Variants in SLCO3A1 observed in about 807,000 individuals in gnomAD.
SLCO3A1 encodes the protein PGE1 transporter.
A neutral mutation model predicts 63.1 loss-of-function variants in SLCO3A1; 27 were observed. The observed-to-expected ratio is 0.43, with a 90% CI of 0.32 to 0.59. The LOEUF is 0.59. Among genes scored for constraint, SLCO3A1 ranks in the 20% least tolerant of loss-of-function variants. The pLI is 0.09. For missense variants in SLCO3A1, 773 were observed against 945.8 expected (o/e 0.82, Z 2.40); for synonymous variants, 473 against 409.9 (o/e 1.15, Z -1.86).
intron 2 of SLCO3A1, among the ~76,000 whole-genome samples, chr15:92,094,384 G>A (rs995943354): frequency 6.6e-5 from 10 of 152,116 alleles, no homozygotes; most frequent in Non-Finnish European, 1.5e-4. Flanking sequence ...GCTGAATTTC[G>A]GAGTCTTGAA....
intron 3 of SLCO3A1, 139 bp downstream of exon 3, chr15:92,095,118 C>A (rs980049331): frequency 1.7e-6 from 1 of 589,768 alleles, no homozygotes; most frequent in Non-Finnish European, 3.1e-6. Context: ...GGGGCTCACC[C>A]GAGATTAGAT....
intron 2 of SLCO3A1, among the ~76,000 whole-genome samples, chr15:92,052,247 G>A (rs1392518406): frequency 6.6e-6 from 1 of 152,032 alleles, no homozygotes; most frequent in Non-Finnish European, 1.5e-5. Context: ...CTTGAGATGG[G>A]GTCAGCATTG....
At chr15:92,004,534 AGAT>A (rs889581869) in intron 2 of SLCO3A1, among the ~76,000 whole-genome samples, 1 of 152,202 alleles carries the variant, frequency 6.6e-6, no homozygotes, top group Non-Finnish European at 1.5e-5. Context: ...AGTGTTGAAG[AGAT>A]GATGAATTAT....
intron 2 of SLCO3A1, among the ~76,000 whole-genome samples, chr15:92,003,365 C>T (rs149223853): frequency 1.2e-4 from 18 of 152,308 alleles, no homozygotes; most frequent in East Asian, 1.2e-3. Context: ...ACAAATGTCT[C>T]GGCTTCAGAG....
intron 5 of SLCO3A1, among the ~76,000 whole-genome samples, chr15:92,121,360 G>A (rs950147569): frequency 1.3e-5 from 2 of 152,230 alleles, no homozygotes; most frequent in African/African-American, 4.8e-5. Flanking sequence ...GGACACAACA[G>A]CAACAGACAT....
rs1159103975 is a variant in SLCO3A1, at chr15:92,137,883, C to G, written c.1513-9101C>G. 1.7e-5 allele frequency among the ~76,000 whole-genome samples: 2 copies of G among 116,674 alleles called. 1 individual carries two copies. Among genetic ancestry groups the G allele is most frequent in the African/African-American group, 8.7e-5 (2 of 22,910 alleles). The allele number at this position is 116,674 out of a possible 152,430, so 76.5% of individuals were successfully genotyped here. A position where few individuals can be genotyped will look rare whatever the true frequency, so the allele number is the denominator to read the frequency against. On this transcript the variant is annotated intron_variant, in intron 7 of 9. Coordinates refer to ENST00000318445, the MANE Select transcript of SLCO3A1 (RefSeq NM_013272.4). ...TAGATTCTGGATATTAGCCCTTTGT[C>G]AGATGAGTAGGTTGCGAAAATTTTC...
intron 1 of SLCO3A1, among the ~76,000 whole-genome samples, chr15:91,878,085 C>CTTT (rs757889262): frequency 3.3e-4 from 40 of 119,830 alleles, no homozygotes; most frequent in African/African-American, 4.2e-4. Flanking sequence ...GGATTTAGGC[C>CTTT]TTTTTTTTTT....
chr15:91,971,440 A>C (rs1017208285), intron 2 of SLCO3A1, among the ~76,000 whole-genome samples: 1 of 147,148 alleles, frequency 6.8e-6, no homozygotes, highest in African/African-American at 2.5e-5. Flanking sequence ...TTCAGCTCTC[A>C]TGCTGTAAAC....
chr15:91,873,159 T>C (rs545054582), intron 1 of SLCO3A1, among the ~76,000 whole-genome samples: 2 of 152,364 alleles, frequency 1.3e-5, no homozygotes, highest in African/African-American at 4.8e-5. Flanking sequence ...AGTGCAAAAT[T>C]ACATTTACCT....
intron 2 of SLCO3A1, among the ~76,000 whole-genome samples, chr15:91,996,919 C>G (rs964598517): frequency 6.6e-6 from 1 of 152,150 alleles, no homozygotes; most frequent in African/African-American, 2.4e-5. Context: ...AAGGGAAACT[C>G]TTAATGTAAT....
Position 91,854,126 on chromosome 15 carries a change from C to T in SLCO3A1, c.180+38C>T. On this transcript the variant is annotated intron_variant, in intron 1 of 9. Coordinates refer to ENST00000318445, the MANE Select transcript of SLCO3A1 (RefSeq NM_013272.4). This position sits in a 1 kb window ranked among gnomAD's most constrained non-coding sequence, Gnocchi z 6.4. ...GCCAACTCCGCCGCGGGCCCCTTCC[C>T]CAGCCCGGCTCTCGAGCGGCCGCCT... 7.1e-7 allele frequency: 1 copy of T among 1,407,904 alleles called. No homozygotes were observed. The highest frequency in any genetic ancestry group is 9.3e-7 in the Non-Finnish European group (1 of 1,070,692). 87.2% of individuals were successfully genotyped at this position (1,407,904 alleles called of 1,614,324 possible).
At chr15:92,006,745 G>A (rs982195289) in intron 2 of SLCO3A1, among the ~76,000 whole-genome samples, 16 of 152,318 alleles carry the variant, frequency 1.1e-4, no homozygotes, top group African/African-American at 2.9e-4. Flanking sequence ...CATAGTGAGC[G>A]TAATAAACAG....
chr15:92,009,975 G>C (rs1378695292), intron 2 of SLCO3A1, among the ~76,000 whole-genome samples: 1 of 152,152 alleles, frequency 6.6e-6, no homozygotes, highest in East Asian at 1.9e-4. Context: ...GTGCCATGTG[G>C]GCTGGACTCC....
intron 2 of SLCO3A1, among the ~76,000 whole-genome samples, chr15:92,086,121 C>A (rs538314831): frequency 4.6e-4 from 70 of 152,280 alleles, no homozygotes; most frequent in Non-Finnish European, 8.1e-4. Context: ...AATGTGCAGT[C>A]CGTCAGCACA....
At chr15:91,871,583 T>C (rs1042092362) in intron 1 of SLCO3A1, among the ~76,000 whole-genome samples, 10 of 152,218 alleles carry the variant, frequency 6.6e-5, no homozygotes, top group Admixed American at 1.3e-4. Context: ...GGTGTTTTTT[T>C]CTAGATGTGG....
chr15:91,952,255 C>T (rs1008163625), intron 2 of SLCO3A1, among the ~76,000 whole-genome samples: 2 of 152,118 alleles, frequency 1.3e-5, no homozygotes, highest in Non-Finnish European at 2.9e-5. Context: ...TTTGTATTTT[C>T]TGGATACTAG....
chr15:91,973,937 C>G (rs1900986052), intron 2 of SLCO3A1, among the ~76,000 whole-genome samples: 1 of 152,176 alleles, frequency 6.6e-6, no homozygotes, highest in Non-Finnish European at 1.5e-5. Context: ...GCCATCATTC[C>G]TGGCTCAAAA....
chr15:92,025,339 T>A (rs2046559743), intron 2 of SLCO3A1, among the ~76,000 whole-genome samples: 2 of 152,038 alleles, frequency 1.3e-5, no homozygotes, highest in African/African-American at 4.8e-5. Flanking sequence ...AAGTTCTTAT[T>A]TTAAGGCTGT....
intron 1 of SLCO3A1, among the ~76,000 whole-genome samples, chr15:91,893,248 G>A (rs1449923403): frequency 1.3e-5 from 2 of 152,144 alleles, no homozygotes; most frequent in Non-Finnish European, 2.9e-5. Context: ...TGTGGCCAGT[G>A]GCTGTCCTGT....
Sources: allele counts gnomAD v4.1 joint callset (sites outside exome capture counted in the v4.1 genomes callset), GRCh38; gene constraint gnomAD v4.1.1; non-coding constraint Gnocchi (gnomAD v3.1); transcripts MANE v1.5; gene names NCBI Gene and HGNC (gene_info 2026-07-23, HGNC 2026-07-21).